The following PREX1 variants were observed in gnomAD, a reference collection of about 807,000 sequenced individuals.
PREX1 encodes the protein phosphatidylinositol-3,4,5-trisphosphate dependent Rac exchange factor 1.
Under a neutral mutation model 198.3 loss-of-function variants are expected in PREX1, and 41 were observed. That is an observed-to-expected ratio of 0.21 (90% confidence interval 0.16 to 0.27). PREX1 has a LOEUF of 0.27. Among genes scored for constraint, PREX1 ranks in the 10% least tolerant of loss-of-function variants. The pLI is 1.00. For missense variants in PREX1, 1,620 were observed against 2,200.7 expected, an observed-to-expected ratio of 0.74 and a Z score of 5.28; for synonymous variants, 843 against 887.2, an observed-to-expected ratio of 0.95 and a Z score of 0.89.
chr20:48,667,365 A>T lies in PREX1; in HGVS notation c.1666-1010T>A, dbSNP rs538219577. ...TTGCTAACTGACCAAGCACCAGCTA[A>T]TAAGACGACTGGGGAAGCCTACCAG... On this transcript the variant is annotated intron_variant, in intron 14 of 39. Transcript: ENST00000371941. Among the ~76,000 whole-genome samples the T allele has an allele frequency of 4.6e-5, 7 of 152,348 alleles. No individual in the cohort carries two copies. In the South Asian group the frequency reaches 1.4e-3, roughly 32 times the overall value.
chr20:48,764,796 AAG>A lies in PREX1; in HGVS notation c.220-16918_220-16917del, dbSNP rs1373619300. ...GACTCTTTCTCAAAAAAAAAAAAAA[AAG>A]AAAGAAAGAAAGAAAAAGAGGGAGG... On this transcript the variant is annotated intron_variant, in intron 1 of 39. Transcript: ENST00000371941. Among the ~76,000 whole-genome samples the A allele has an allele frequency of 9.9e-3, 1,448 of 146,088 alleles. 27 individuals are homozygous for A. The highest frequency in any genetic ancestry group is 0.034 in the African/African-American group (1,366 of 39,794).
chr20:48,760,365 G>A (rs981258083), intron 1 of PREX1, among the ~76,000 whole-genome samples: 3 of 151,828 alleles, frequency 2.0e-5, no homozygotes, highest in Admixed American at 6.6e-5. Context: ...GCCTGCTTCC[G>A]AGTCTCCTGA....
intron 1 of PREX1, among the ~76,000 whole-genome samples, chr20:48,774,249 T>C (rs568791313): frequency 5.3e-5 from 8 of 152,326 alleles, no homozygotes; most frequent in African/African-American, 1.9e-4. Context: ...TGCTGAGTGC[T>C]GGGCAGGGTG....
At chr20:48,751,575 GGCAGCACGGCGTC>G (rs2090134321) in intron 1 of PREX1, among the ~76,000 whole-genome samples, 2 of 152,244 alleles carry the variant, frequency 1.3e-5, no homozygotes, top group Non-Finnish European at 2.9e-5. Context: ...GGCTTTTCCA[GGCAGCACGGCGTC>G]CCCTGCACTG....
chr20:48,729,826 C>T (rs955815846), intron 4 of PREX1, among the ~76,000 whole-genome samples: 2 of 152,164 alleles, frequency 1.3e-5, no homozygotes, highest in African/African-American at 4.8e-5. Flanking sequence ...CCCCACAAAA[C>T]CTCAAAATGC....
intron 1 of PREX1, among the ~76,000 whole-genome samples, chr20:48,822,942 G>A (rs888827427): frequency 5.3e-5 from 8 of 151,964 alleles, no homozygotes; most frequent in African/African-American, 9.7e-5. Flanking sequence ...CCAACCACCC[G>A]TGGCATTTCT....
At chr20:48,865,000 G>C in the PREX1 span, among the ~76,000 whole-genome samples, 2 of 152,162 alleles carry the variant, frequency 1.3e-5, no homozygotes, top group African/African-American at 2.4e-5. Context: ...ACACACCTCA[G>C]GCAAAGTTTT....
At chr20:48,773,007 C>T (rs1290077165) in intron 1 of PREX1, among the ~76,000 whole-genome samples, 1 of 152,186 alleles carries the variant, frequency 6.6e-6, no homozygotes, top group African/African-American at 2.4e-5. Context: ...TGGCTCATGC[C>T]TGTAATCCCA....
chr20:48,844,033 G>A, the PREX1 span, among the ~76,000 whole-genome samples: 1 of 152,110 alleles, frequency 6.6e-6, no homozygotes, highest in African/African-American at 2.4e-5. Context: ...CCAGCTACTT[G>A]AGAGGCTGAG....
At chr20:48,661,756 G>A (rs1044512721) in intron 15 of PREX1, among the ~76,000 whole-genome samples, 1 of 151,658 alleles carries the variant, frequency 6.6e-6, no homozygotes, top group Non-Finnish European at 1.5e-5. Flanking sequence ...TCATAGACGG[G>A]GAGACTAAGA....
intron 1 of PREX1, among the ~76,000 whole-genome samples, chr20:48,805,018 G>T (rs1246757512): frequency 2.0e-5 from 3 of 152,190 alleles, no homozygotes; most frequent in African/African-American, 7.2e-5. Context: ...TGCTGGCAGG[G>T]CATTTTAAAT....
chr20:48,674,087 C>G (rs554750365), intron 14 of PREX1, among the ~76,000 whole-genome samples: 1 of 152,274 alleles, frequency 6.6e-6, no homozygotes, highest in East Asian at 1.9e-4. Flanking sequence ...CTCACGAGGG[C>G]TGGGGAGTGT....
intron 5 of PREX1, among the ~76,000 whole-genome samples, chr20:48,713,021 G>A (rs953641658): frequency 7.9e-5 from 12 of 152,336 alleles, no homozygotes; most frequent in African/African-American, 2.4e-4. Context: ...CTACTTGGGA[G>A]GCTGAGGGAG....
In PREX1 at chr20:48,679,902, C is replaced by CT. The variant is rs891846514; in HGVS notation, c.1436-149dup. 25 of 653,864 alleles carry CT rather than the reference C, an allele frequency of 3.8e-5. 1 individual carries two copies. The highest frequency in any genetic ancestry group is 1.6e-4 in the South Asian group (9 of 54,724). 40.5% of individuals were successfully genotyped at this position (653,864 alleles called of 1,614,324 possible). On this transcript the variant is annotated intron_variant, in intron 11 of 39. Coordinates refer to ENST00000371941, the MANE Select transcript of PREX1 (RefSeq NM_020820.4). Reference sequence around the variant, plus strand: ...GCATCAGGCTTCACTGCTGGCCAGGCTTTTTTTTCACTGAAACCCCACGAG... The same window carrying CT: ...GCATCAGGCTTCACTGCTGGCCAGGCTTTTTTTTTCACTGAAACCCCACGAG...
intron 1 of PREX1, among the ~76,000 whole-genome samples, chr20:48,788,941 A>G (rs1601136945): frequency 1.3e-5 from 2 of 152,108 alleles, no homozygotes; most frequent in East Asian, 3.8e-4. Flanking sequence ...GTCTCTTTAG[A>G]ACCCCCAAGA....
At chr20:48,884,948 C>G in the PREX1 span, among the ~76,000 whole-genome samples, 1 of 152,196 alleles carries the variant, frequency 6.6e-6, no homozygotes, top group Non-Finnish European at 1.5e-5. Context: ...GGTTTTAAAT[C>G]TGGATAATGT....
Position 48,625,909 on chromosome 20 carries a change from C to G in PREX1, c.4956G>C (p.Gln1652His), listed in dbSNP as rs1352438827. Residue 1652 changes from glutamine to histidine, a missense_variant, in exon 40 of 40, where the codon CAG becomes CAC. Gln to His is a conservative substitution (Grantham distance 24). Coordinates refer to ENST00000371941, the MANE Select transcript of PREX1 (RefSeq NM_020820.4). ...QGAPRLYRLC[Q>H]PPVDGDL ...TTCAGAGGTCCCCATCCACCGGCGG[C>G]TGGCAGAGGCGGTAGAGGCTGGGGA... is the stretch of plus-strand genomic sequence containing the variant. 1 of 1,564,310 alleles carries G rather than the reference C, an allele frequency of 6.4e-7. No homozygotes were observed. The highest frequency in any genetic ancestry group is 2.0e-5 in the Admixed American group (1 of 51,218).
At chr20:48,757,784 G>A (rs1360764543) in intron 1 of PREX1, among the ~76,000 whole-genome samples, 3 of 152,132 alleles carry the variant, frequency 2.0e-5, no homozygotes, top group Non-Finnish European at 2.9e-5. Context: ...CCCTTCCCTG[G>A]GCACATTTCC....
intron 13 of PREX1, among the ~76,000 whole-genome samples, chr20:48,677,512 A>G (rs1425020236): frequency 2.0e-5 from 3 of 152,360 alleles, no homozygotes; most frequent in African/African-American, 7.2e-5. Context: ...AGCCATTCAA[A>G]GCACCTTCCG....
Sources: allele counts gnomAD v4.1 joint callset (sites outside exome capture counted in the v4.1 genomes callset), GRCh38; gene constraint gnomAD v4.1.1; transcripts MANE v1.5; gene names NCBI Gene and HGNC (gene_info 2026-07-23, HGNC 2026-07-21).